The following ANKRD11 variants were observed in gnomAD, a reference collection of about 807,000 sequenced individuals.
ANKRD11 encodes ankyrin repeat domain-containing protein 11.
Under a neutral mutation model 195.7 loss-of-function variants are expected in ANKRD11, and 17 were observed. The observed-to-expected ratio is 0.09, with a 90% CI of 0.06 to 0.13. The LOEUF (loss-of-function observed/expected upper bound fraction) is 0.13, where lower values mean the gene tolerates loss of function less well. Ranked by LOEUF, ANKRD11 falls within the 10% of genes least tolerant of loss-of-function variation. The pLI is 1.00. For synonymous variants in ANKRD11, 1,953 were observed against 1,528.1 expected, an observed-to-expected ratio of 1.28 and a Z score of -6.49; for missense variants, 3,735 against 3,566.1, an observed-to-expected ratio of 1.05 and a Z score of -1.21.
At chr16:89,459,690 G>A (rs1186512270) in intron 1 of ANKRD11, among the ~76,000 whole-genome samples, 1 of 152,132 alleles carries the variant, frequency 6.6e-6, no homozygotes, top group Non-Finnish European at 1.5e-5. Context: ...CAGGAACAGT[G>A]GCCCATGCTT....
At chr16:89,398,322 A>G (rs2041544621) in intron 2 of ANKRD11, among the ~76,000 whole-genome samples, 1 of 135,520 alleles carries the variant, frequency 7.4e-6, no homozygotes, top group African/African-American at 2.8e-5. Flanking sequence ...ACACTGTGAA[A>G]CAGCTGAAGA....
chr16:89,429,782 T>A (rs534457942), intron 1 of ANKRD11, among the ~76,000 whole-genome samples: 38 of 44,566 alleles, frequency 8.5e-4, no homozygotes, highest in African/African-American at 1.6e-3. Context: ...TCACGCTCAG[T>A]CGTTCTAGTA....
intron 1 of ANKRD11, among the ~76,000 whole-genome samples, chr16:89,481,867 C>T (rs1253138791): frequency 6.6e-6 from 1 of 151,880 alleles, no homozygotes; most frequent in South Asian, 2.1e-4. Context: ...ACTCTGATTT[C>T]TGCAGTGACA....
rs372636124 is a variant in ANKRD11 at position 89,280,996 on chromosome 16, C to A, written c.5546G>T (p.Gly1849Val). 9 of 1,580,066 alleles carry A rather than the reference C, an allele frequency of 5.7e-6. No homozygotes were observed. The African/African-American group carries it at 9.5e-5, about 17-fold the overall frequency. ...GAGGCCATAGTCTGGGGAGTAGTACCCTGGCGACAAGCAGGCAAACTTCTC... is the reference window on the plus strand; with the variant it reads ...GAGGCCATAGTCTGGGGAGTAGTACACTGGCGACAAGCAGGCAAACTTCTC... The part of the protein sequence containing the change: ...PAEKFACLSP[G>V]YYSPDYGLPS... The change falls in exon 9 of 13, where the codon GGG (glycine) becomes GTG (valine). Residue 1849 changes from glycine to valine, a missense_variant. Gly to Val is a moderately radical substitution (Grantham distance 109, BLOSUM62 -3). Coordinates refer to ENST00000301030, the MANE Select transcript of ANKRD11 (RefSeq NM_013275.6).
chr16:89,449,911 G>T (rs2043990815), intron 1 of ANKRD11, among the ~76,000 whole-genome samples: 2 of 152,174 alleles, frequency 1.3e-5, no homozygotes, highest in South Asian at 4.1e-4. Context: ...ACTGAAGAAT[G>T]CAGTCCTGGC....
intron 1 of ANKRD11, among the ~76,000 whole-genome samples, chr16:89,479,322 C>A (rs2057362539): frequency 6.6e-6 from 1 of 151,890 alleles, no homozygotes; most frequent in South Asian, 2.1e-4. Flanking sequence ...CTAGATAAAA[C>A]ACATGTGACC....
intron 2 of ANKRD11, among the ~76,000 whole-genome samples, chr16:89,326,483 C>T (rs958775680): frequency 6.6e-6 from 1 of 152,050 alleles, no homozygotes; most frequent in Non-Finnish European, 1.5e-5. Flanking sequence ...GGTGGCTCAC[C>T]CCTGTGGTCC....
At chr16:89,431,181 A>G (rs2042961390) in intron 1 of ANKRD11, 5 of 152,266 alleles carry the variant, frequency 3.3e-5, no homozygotes, top group Admixed American at 2.6e-4. Flanking sequence ...CTCAAGCAGC[A>G]AAGGCAAAGT....
At chr16:89,376,405 C>T (rs928933466) in intron 2 of ANKRD11, among the ~76,000 whole-genome samples, 3 of 152,174 alleles carry the variant, frequency 2.0e-5, no homozygotes, top group African/African-American at 7.2e-5. Flanking sequence ...TGAGGAATAT[C>T]ATCGAGGAAA....
chr16:89,364,898 C>CAT (rs1181568337), intron 2 of ANKRD11, among the ~76,000 whole-genome samples: 3 of 152,216 alleles, frequency 2.0e-5, no homozygotes, highest in Admixed American at 2.0e-4. Context: ...AGGGAAAAGC[C>CAT]TCATCGAATG....
Position 89,270,865 on chromosome 16 carries a change from C to A in ANKRD11, c.7758G>T (p.Gln2586His). 1 of 1,614,104 alleles carries A rather than the reference C, an allele frequency of 6.2e-7. No homozygotes were observed. Among genetic ancestry groups the A allele is most frequent in the South Asian group, 1.1e-5 (1 of 91,084 alleles). Residue 2586 changes from glutamine (Q) to histidine (H), a missense_variant, in exon 12 of 13, where the codon CAG (glutamine) becomes CAT (histidine). Coordinates refer to ENST00000301030, the MANE Select transcript of ANKRD11 (RefSeq NM_013275.6). ...KSVRDRFNAR[Q>H]FISWLQDVDD... is the part of the protein sequence containing the mutation. Reference sequence around the variant, plus strand: ...CCACGTCCTGGAGCCAGGAGATGAACTGGCGGGCGTTGAAACGGTCGCGCA... The same window carrying A: ...CCACGTCCTGGAGCCAGGAGATGAAATGGCGGGCGTTGAAACGGTCGCGCA...
chr16:89,294,575 G>A (rs1187104697), intron 4 of ANKRD11, among the ~76,000 whole-genome samples: 2 of 152,146 alleles, frequency 1.3e-5, no homozygotes, highest in Non-Finnish European at 2.9e-5. Context: ...AGTGGCTTCT[G>A]GGGTAGAGGG....
At chr16:89,429,740 T>A (rs1230706506) in intron 1 of ANKRD11, among the ~76,000 whole-genome samples, 18 of 49,166 alleles carry the variant, frequency 3.7e-4, no homozygotes, top group African/African-American at 5.1e-4. Context: ...TCACGCTCAG[T>A]CGTTCTAGTA....
chr16:89,402,549 G>A (rs934345405), intron 2 of ANKRD11, among the ~76,000 whole-genome samples: 14 of 151,370 alleles, frequency 9.2e-5, no homozygotes, highest in African/African-American at 2.9e-4. Context: ...GTATGGTGCC[G>A]CACACCAGCA....
intron 2 of ANKRD11, among the ~76,000 whole-genome samples, chr16:89,384,711 T>C (rs763519109): frequency 1.3e-5 from 2 of 151,956 alleles, no homozygotes; most frequent in Non-Finnish European, 2.9e-5. Context: ...CTTCCCTCCT[T>C]TTACCTCAAT....
At position 89,307,825 on chromosome 16, in the gene ANKRD11, A is replaced by G. The variant is rs192991774; in HGVS notation, c.88-2481T>C. On this transcript the variant is annotated intron_variant, in intron 3 of 12. Coordinates refer to ENST00000301030, the MANE Select transcript of ANKRD11 (RefSeq NM_013275.6). ...CTCCAATCTTAAACTCCTTCCTCCA[A>G]GAACACTCCTGGCCCAGGGGGTGGG... 6.6e-5 allele frequency among the ~76,000 whole-genome samples: 10 copies of G among 152,388 alleles called. No homozygotes were observed. In the East Asian group the frequency reaches 1.9e-3, roughly 29 times the overall value.
chr16:89,349,147 A>AAAAAAAAAAG (rs2039084027), intron 2 of ANKRD11, among the ~76,000 whole-genome samples: 2 of 143,176 alleles, frequency 1.4e-5, no homozygotes, highest in Non-Finnish European at 3.1e-5. Flanking sequence ...AAAAAAAAAA[A>AAAAAAAAAAG]AAAAAAAAAA....
chr16:89,419,487 A>G (rs1276667097), intron 1 of ANKRD11, among the ~76,000 whole-genome samples: 4 of 151,686 alleles, frequency 2.6e-5, no homozygotes, highest in African/African-American at 9.7e-5. Flanking sequence ...ATAAAACTAT[A>G]TAATTTCCCT....
Position 89,295,985 on chromosome 16 carries a change from CTTT to C in ANKRD11, c.227-4805_227-4803del, listed in dbSNP as rs60214636. Among the ~76,000 whole-genome samples the C allele has an allele frequency of 6.0e-3, 271 of 45,126 alleles. 11 individuals are homozygous for C. Among genetic ancestry groups the C allele is most frequent in the African/African-American group, 0.025 (241 of 9,502 alleles). The allele number at this position is 45,126 out of a possible 152,430, so 29.6% of individuals were successfully genotyped here. A position where few individuals can be genotyped will look rare whatever the true frequency, so the allele number is the denominator to read the frequency against. On this transcript the variant is annotated intron_variant, in intron 4 of 12. Coordinates refer to ENST00000301030, the MANE Select transcript of ANKRD11 (RefSeq NM_013275.6). ...GGGAGTGTCTTCTCTATCTGGCTGC[CTTT>C]TTTTTTTTTTTTTTTTTTGAGACAA... is the stretch of plus-strand genomic sequence containing the variant.
Sources: gnomAD v4.1 joint callset for allele counts (sites outside exome capture counted in the v4.1 genomes callset) on GRCh38, gnomAD v4.1.1 for gene constraint, MANE v1.5 for transcripts, NCBI Gene and HGNC (gene_info 2026-07-23, HGNC 2026-07-21) for gene names.